Variants in RBFOX1 observed in about 807,000 individuals in gnomAD.
The protein encoded by RBFOX1 is RNA binding fox-1 homolog 1.
A neutral mutation model predicts 57.7 loss-of-function variants in RBFOX1; 8 were observed. The observed-to-expected ratio is 0.14, with a 90% CI of 0.08 to 0.25. RBFOX1 has a LOEUF of 0.25. RBFOX1 is among the 10% of genes least tolerant of loss of function. The pLI is 1.00. For synonymous variants in RBFOX1, 326 were observed against 222.4 expected, an observed-to-expected ratio of 1.47 and a Z score of -4.15; for missense variants, 611 against 548.5, an observed-to-expected ratio of 1.11 and a Z score of -1.14.
intron 4 of RBFOX1, among the ~76,000 whole-genome samples, chr16:7,293,644 G>T (rs2076146396): frequency 6.6e-6 from 1 of 152,096 alleles, no homozygotes; most frequent in Admixed American, 6.5e-5. Flanking sequence ...TTGCAATTTG[G>T]GGACTAAAAC....
chr16:7,664,269 C>T (rs548451608), intron 12 of RBFOX1, among the ~76,000 whole-genome samples: 3 of 152,190 alleles, frequency 2.0e-5, no homozygotes, highest in Non-Finnish European at 4.4e-5. Context: ...TGCACTTGTA[C>T]ACATGAAGAC....
intron 5 of RBFOX1, among the ~76,000 whole-genome samples, chr16:7,528,745 A>T (rs1392698461): frequency 6.6e-6 from 1 of 152,188 alleles, no homozygotes; most frequent in Non-Finnish European, 1.5e-5. Context: ...TTATGCCCTT[A>T]ATTCATGGTC....
intron 3 of RBFOX1, among the ~76,000 whole-genome samples, chr16:6,999,216 A>ATTTTTTTTTT (rs374767232): frequency 9.2e-6 from 1 of 109,030 alleles, no homozygotes; most frequent in Admixed American, 9.6e-5. Flanking sequence ...ATTTTTATTT[A>ATTTTTTTTTT]TTTTTTTTAT....
At chr16:7,095,738 T>C (rs1041037577) in intron 4 of RBFOX1, among the ~76,000 whole-genome samples, 3 of 152,148 alleles carry the variant, frequency 2.0e-5, no homozygotes, top group East Asian at 1.9e-4. Flanking sequence ...TAAGAAAATA[T>C]GGAGCTGGGC....
intron 4 of RBFOX1, among the ~76,000 whole-genome samples, chr16:7,195,962 A>T (rs1466287535): frequency 6.6e-6 from 1 of 151,998 alleles, no homozygotes; most frequent in Non-Finnish European, 1.5e-5. Context: ...CTACTGCCAC[A>T]CTGCTATTTG....
intron 4 of RBFOX1, among the ~76,000 whole-genome samples, chr16:7,171,412 T>A (rs554256556): frequency 2.0e-5 from 3 of 152,350 alleles, no homozygotes; most frequent in East Asian, 1.9e-4. Context: ...AATGTCACTT[T>A]ATCCCTGTTT....
chr16:6,198,160 A>G (rs1193953219), intron 1 of RBFOX1, among the ~76,000 whole-genome samples: 2 of 152,146 alleles, frequency 1.3e-5, no homozygotes, highest in Admixed American at 1.3e-4. Flanking sequence ...AGTTCTCATC[A>G]TTTGGCAGCC....
chr16:7,543,004 G>A (rs574395077), intron 5 of RBFOX1, among the ~76,000 whole-genome samples: 8 of 152,212 alleles, frequency 5.3e-5, no homozygotes, highest in Middle Eastern at 3.4e-3. Flanking sequence ...CCTGTCCACC[G>A]CTCTAGGTTG....
chr16:6,589,743 T>A (rs1204711701), intron 2 of RBFOX1, among the ~76,000 whole-genome samples: 1 of 152,220 alleles, frequency 6.6e-6, no homozygotes, highest in East Asian at 1.9e-4. Context: ...GCTGTTCTCA[T>A]CTTTGTTTCA....
At chr16:6,798,147 C>T (rs1008704595) in intron 3 of RBFOX1, among the ~76,000 whole-genome samples, 1 of 152,090 alleles carries the variant, frequency 6.6e-6, no homozygotes, top group Non-Finnish European at 1.5e-5. Flanking sequence ...TTGTGATTAG[C>T]AGAACAAATG....
intron 1 of RBFOX1, among the ~76,000 whole-genome samples, chr16:6,132,569 C>T (rs189257195): frequency 1.9e-4 from 29 of 152,294 alleles, no homozygotes; most frequent in Admixed American, 7.8e-4. Context: ...TTCAGTTACT[C>T]ACTGGGGAAC....
chr16:7,177,877 C>T (rs1161051521), intron 4 of RBFOX1, among the ~76,000 whole-genome samples: 1 of 152,116 alleles, frequency 6.6e-6, no homozygotes, highest in East Asian at 1.9e-4. Context: ...CAGGATTTGG[C>T]CTGTGGGTTG....
chr16:6,594,176 C>G (rs2097754409), intron 2 of RBFOX1, among the ~76,000 whole-genome samples: 1 of 152,148 alleles, frequency 6.6e-6, no homozygotes, highest in Non-Finnish European at 1.5e-5. Flanking sequence ...AATCCTTTGT[C>G]TAGTAAGAGT....
chr16:6,016,167 G>A (rs1037332574), upstream of RBFOX1, among the ~76,000 whole-genome samples: 8 of 152,188 alleles, frequency 5.3e-5, no homozygotes, highest in African/African-American at 1.7e-4. Context: ...TTTAATAGAA[G>A]AGAACAACAT....
intron 3 of RBFOX1, among the ~76,000 whole-genome samples, chr16:6,758,771 G>A (rs1048839556): frequency 2.6e-5 from 4 of 152,104 alleles, no homozygotes; most frequent in African/African-American, 7.2e-5. Context: ...TTTAAAACTT[G>A]CATCATGGGG....
intron 2 of RBFOX1, among the ~76,000 whole-genome samples, chr16:6,516,828 C>G (rs1304044027): frequency 6.6e-6 from 1 of 152,090 alleles, no homozygotes; most frequent in Non-Finnish European, 1.5e-5. Flanking sequence ...AACACAAAAC[C>G]TGCCCAGGTG....
chr16:7,702,370 T>C (rs2081027895), intron 14 of RBFOX1, among the ~76,000 whole-genome samples: 1 of 152,182 alleles, frequency 6.6e-6, no homozygotes, highest in African/African-American at 2.4e-5. Flanking sequence ...CCCAAGAAGC[T>C]GAGGGGACCT....
At chr16:5,525,679 G>C (rs2044217187) in intron 2 of RBFOX1, among the ~76,000 whole-genome samples, 1 of 151,702 alleles carries the variant, frequency 6.6e-6, no homozygotes, top group Admixed American at 6.6e-5. Flanking sequence ...TGTATTTTTA[G>C]TACAGACAGG....
chr16:6,080,385 C>T (rs927219873), intron 1 of RBFOX1, among the ~76,000 whole-genome samples: 1 of 152,160 alleles, frequency 6.6e-6, no homozygotes. Context: ...TGTGAATCCT[C>T]TATTGACCTA....
Sources: allele counts gnomAD v4.1 joint callset (sites outside exome capture counted in the v4.1 genomes callset), GRCh38; gene constraint gnomAD v4.1.1; transcripts MANE v1.5; gene names NCBI Gene and HGNC (gene_info 2026-07-23, HGNC 2026-07-21).